SPATA6: variants seen among roughly 807,000 people sequenced by gnomAD.
The protein encoded by SPATA6 is spermatogenesis-associated protein 6.
SPATA6 carries 56 observed loss-of-function variants against 65.3 expected under a neutral mutation model. The ratio of observed to expected loss-of-function variants is 0.86; its 90% CI spans 0.69 to 1.07. The LOEUF is 1.07. SPATA6 is among the 50% of genes least tolerant of loss of function. The pLI, the probability that SPATA6 is intolerant of heterozygous loss-of-function variation, is 0.00. For synonymous variants in SPATA6, 199 were observed against 213.2 expected (o/e 0.93, Z 0.58); for missense variants, 590 against 594.8 (o/e 0.99, Z 0.08).
intron 3 of SPATA6, among the ~76,000 whole-genome samples, chr1:48,435,718 G>C (rs192484683): frequency 4.6e-5 from 7 of 152,002 alleles, no homozygotes; most frequent in Admixed American, 2.0e-4. Context: ...CCAAGCCCAC[G>C]GCCCCGGTCG....
At chr1:48,355,940 T>C (rs1646647921) in intron 10 of SPATA6, among the ~76,000 whole-genome samples, 171 bp from the exon 11 acceptor site, 1 of 152,154 alleles carries the variant, frequency 6.6e-6, no homozygotes, top group Non-Finnish European at 1.5e-5. Flanking sequence ...ACACAGTTAT[T>C]TGGAGCTTTA....
Position 48,399,435 on chromosome 1 carries a change from G to A in SPATA6, c.696C>T (p.Asp232=), listed in dbSNP as rs755774122. ...TKRRMCELSE[D]TRRRLAHLNL... ...TTAAATGGGCCAGCCGCCGCCTGGT[G>A]TCTTCAGATAGCTCACACATGCGTC... The change falls in exon 7 of 13, where the codon GAC becomes GAT. Residue 232 remains aspartate, a synonymous_variant. Coordinates refer to ENST00000371847, the MANE Select transcript of SPATA6 (RefSeq NM_019073.4). 8 of 1,613,186 alleles carry A rather than the reference G, an allele frequency of 5.0e-6. No individual in the cohort carries two copies. The highest frequency in any genetic ancestry group is 5.1e-6 in the Non-Finnish European group (6 of 1,179,406).
chr1:48,405,028 C>G (rs559225264), intron 5 of SPATA6, among the ~76,000 whole-genome samples: 10 of 152,298 alleles, frequency 6.6e-5, no homozygotes, highest in African/African-American at 2.4e-4. Context: ...TGATTCAATA[C>G]CTACATTTGG....
chr1:48,415,738 G>GAA (rs1018783689), intron 3 of SPATA6, among the ~76,000 whole-genome samples: 6 of 130,154 alleles, frequency 4.6e-5, no homozygotes, highest in Non-Finnish European at 6.7e-5. Flanking sequence ...AGAAGAAACA[G>GAA]AAAAAAAAAA....
chr1:48,355,026 T>C (rs1372640618), intron 11 of SPATA6, among the ~76,000 whole-genome samples: 1 of 152,066 alleles, frequency 6.6e-6, no homozygotes, highest in East Asian at 1.9e-4. Flanking sequence ...CCAAGACTAA[T>C]CTTAGTGTCC....
chr1:48,269,452 C>A, the SPATA6 span, among the ~76,000 whole-genome samples: 2 of 152,092 alleles, frequency 1.3e-5, no homozygotes, highest in Admixed American at 6.5e-5. Flanking sequence ...AACTGTAGAA[C>A]CAACAGTACT....
the SPATA6 span, among the ~76,000 whole-genome samples, chr1:48,286,343 TTCA>T: frequency 6.6e-6 from 1 of 152,186 alleles, no homozygotes; most frequent in Non-Finnish European, 1.5e-5. Flanking sequence ...CTGAATTTCT[TTCA>T]TCAATGTTTT....
At chr1:48,380,766 T>C (rs1179261545) in intron 9 of SPATA6, among the ~76,000 whole-genome samples, 3 of 152,158 alleles carry the variant, frequency 2.0e-5, no homozygotes, top group Admixed American at 6.5e-5. Context: ...GTGTATGTGT[T>C]TGCATAAATT....
chr1:48,281,434 G>T, the SPATA6 span, among the ~76,000 whole-genome samples: 2 of 152,036 alleles, frequency 1.3e-5, no homozygotes, highest in African/African-American at 4.8e-5. Flanking sequence ...TCTAGAAAAC[G>T]CCATCGTCTC....
At chr1:48,352,864 G>C (rs1226445096) in intron 11 of SPATA6, among the ~76,000 whole-genome samples, 1 of 134,450 alleles carries the variant, frequency 7.4e-6, no homozygotes. Context: ...AACAGACTCA[G>C]AAGCAGCCAG....
At chr1:48,272,417 CAT>C in the SPATA6 span, among the ~76,000 whole-genome samples, 3 of 152,148 alleles carry the variant, frequency 2.0e-5, no homozygotes, top group Non-Finnish European at 4.4e-5. Flanking sequence ...TTGAGATTCT[CAT>C]ATGAGTGAGA....
intron 3 of SPATA6, among the ~76,000 whole-genome samples, chr1:48,444,364 G>C (rs1374189489): frequency 6.6e-6 from 1 of 151,446 alleles, no homozygotes; most frequent in African/African-American, 2.4e-5. Flanking sequence ...CTGAAGGACT[G>C]TAAATGCACC....
chr1:48,313,460 G>T (rs1360400969), intron 11 of SPATA6, among the ~76,000 whole-genome samples: 1 of 152,060 alleles, frequency 6.6e-6, no homozygotes, highest in Non-Finnish European at 1.5e-5. Flanking sequence ...CATAAGTGAA[G>T]GAGAAATAAA....
At position 48,451,612 on chromosome 1, in the gene SPATA6, C is replaced by T. The variant is rs374779887; in HGVS notation, c.190-12G>A. The T allele has an allele frequency of 1.8e-5, 29 of 1,606,842 alleles. No individual in the cohort carries two copies. Among genetic ancestry groups the T allele is most frequent in the East Asian group, 1.3e-4 (6 of 44,530 alleles). On this transcript the variant is annotated splice_polypyrimidine_tract_variant and intron_variant, in intron 2 of 12. Coordinates refer to ENST00000371847, the MANE Select transcript of SPATA6 (RefSeq NM_019073.4). ...GCGTCCGGGAACACCTATAGTGAGA[C>T]GATACAGGGAGAGGCAGGAAGGAAG...
chr1:48,378,066 C>T (rs918261685), intron 9 of SPATA6, among the ~76,000 whole-genome samples: 4 of 152,080 alleles, frequency 2.6e-5, no homozygotes, highest in South Asian at 4.2e-4. Context: ...GCATACAGAT[C>T]GAAAGTATCC....
chr1:48,304,214 A>G (rs1434893744), intron 12 of SPATA6, among the ~76,000 whole-genome samples: 1 of 152,218 alleles, frequency 6.6e-6, no homozygotes, highest in African/African-American at 2.4e-5. Flanking sequence ...AAGGTCTTGA[A>G]GGACTGACCA....
chr1:48,352,212 G>A (rs1246979625), intron 11 of SPATA6, among the ~76,000 whole-genome samples: 1 of 152,028 alleles, frequency 6.6e-6, no homozygotes, highest in African/African-American at 2.4e-5. Context: ...CAGACCTCAT[G>A]AGACTTATTC....
intron 1 of SPATA6, among the ~76,000 whole-genome samples, chr1:48,455,406 TCTCA>T (rs1420371273): frequency 6.6e-6 from 1 of 151,498 alleles, no homozygotes; most frequent in African/African-American, 2.4e-5. Flanking sequence ...TGAGACAGTG[TCTCA>T]CTCTGTCTGT....
the SPATA6 span, chr1:48,262,640 T>C: frequency 7.2e-5 from 11 of 152,274 alleles, no homozygotes; most frequent in African/African-American, 2.2e-4. Context: ...TGAAGAAATG[T>C]ACATGTATTA....
Sources: gnomAD v4.1 joint callset for allele counts (sites outside exome capture counted in the v4.1 genomes callset) on GRCh38, gnomAD v4.1.1 for gene constraint, MANE v1.5 for transcripts, NCBI Gene and HGNC (gene_info 2026-07-23, HGNC 2026-07-21) for gene names.